The following HOXA3 variants were observed in gnomAD, a reference collection of about 807,000 sequenced individuals.
HOXA3 encodes the protein homeobox protein Hox-A3.
A neutral mutation model predicts 30.3 loss-of-function variants in HOXA3; 8 were observed. The ratio of observed to expected loss-of-function variants is 0.26; its 90% CI spans 0.15 to 0.48. The LOEUF (loss-of-function observed/expected upper bound fraction) is 0.48, where lower values mean the gene tolerates loss of function less well. HOXA3 is among the 20% of genes least tolerant of loss of function. The probability of loss-of-function intolerance (pLI) is 0.99; values close to 1 mark genes in which losing one functional copy is unlikely to be tolerated. For missense variants in HOXA3, 653 were observed against 614.4 expected (o/e 1.06, Z -0.66); for synonymous variants, 323 against 273.1 (o/e 1.18, Z -1.80).
intron 1 of HOXA3, 98 bp from the exon 2 acceptor site, chr7:27,140,284 T>C (rs1487287242): frequency 6.6e-6 from 1 of 152,162 alleles, no homozygotes. Flanking sequence ...AAACTTACTT[T>C]AATGGCCCCA....
intron 1 of HOXA3, chr7:27,145,755 C>G (rs1418557747): frequency 6.2e-7 from 1 of 1,614,256 alleles, no homozygotes; most frequent in Non-Finnish European, 8.5e-7. Flanking sequence ...GTTCTGGAAC[C>G]AGATCTTGAT....
At chr7:27,129,874 C>T in intron 2 of HOXA3, 1 of 606,586 alleles carries the variant, frequency 1.6e-6, no homozygotes, top group Non-Finnish European at 2.9e-6. Context: ...GCTATAATTA[C>T]TGCCCTAACA....
chr7:27,136,651 G>C (rs569262146), intron 2 of HOXA3, among the ~76,000 whole-genome samples: 3 of 152,312 alleles, frequency 2.0e-5, no homozygotes, highest in Admixed American at 2.0e-4. Context: ...CTGCGCGGGC[G>C]TCATTTGTTA....
Position 27,108,384 on chromosome 7 carries a change from G to A in HOXA3, c.863C>T (p.Pro288Leu), listed in dbSNP as rs1208826265. The A allele has an allele frequency of 3.8e-6, 6 of 1,590,210 alleles. No homozygotes were observed. Among genetic ancestry groups the A allele is most frequent in the Non-Finnish European group, 5.1e-6 (6 of 1,165,362 alleles). The change falls in exon 6 of 6, where the codon CCG becomes CTG. Residue 288 changes from proline to leucine, a missense_variant. Pro to Leu is a moderately conservative substitution (Grantham distance 98, BLOSUM62 -3). Around this residue, in one of 3 missense-constraint regions of HOXA3, gnomAD observed 330 missense variants for 274.4 expected, o/e 1.20. Coordinates refer to ENST00000612286, the MANE Select transcript of HOXA3 (RefSeq NM_153631.3). The surrounding 1 kb of genome is among the most constrained non-coding windows in gnomAD (Gnocchi z 5.0). ...GGGCGGGGGCGACTGGGGCTCATACGGGACGCTGTTGACCAGCGAATGCAT... is the reference window on the plus strand; with the variant it reads ...GGGCGGGGGCGACTGGGGCTCATACAGGACGCTGTTGACCAGCGAATGCAT... The part of the protein sequence containing the change: ...NSMHSLVNSV[P>L]YEPQSPPPFS...
At chr7:27,129,555 G>T (rs531770438) in intron 2 of HOXA3, 3 of 1,613,312 alleles carry the variant, frequency 1.9e-6, no homozygotes, top group African/African-American at 1.3e-5. Flanking sequence ...GCTCCCCTCC[G>T]TTATAACTGG....
At chr7:27,143,416 A>G in intron 1 of HOXA3, 2 of 1,611,926 alleles carry the variant, frequency 1.2e-6, no homozygotes, top group Non-Finnish European at 1.7e-6. Context: ...CTCCGGAGCC[A>G]AAGTGGCCGG....
At chr7:27,130,176 G>T in intron 2 of HOXA3, 2 of 1,593,518 alleles carry the variant, frequency 1.3e-6, no homozygotes, top group South Asian at 1.1e-5. Context: ...TGCCCTTCAG[G>T]CCCAGCGGGC....
At chr7:27,109,521 G>A (rs543991629) in intron 5 of HOXA3, among the ~76,000 whole-genome samples, 22 of 152,316 alleles carry the variant, frequency 1.4e-4, no homozygotes, top group African/African-American at 4.6e-4. Flanking sequence ...ACTGGAGCCC[G>A]CTTTCAGGAG....
intron 2 of HOXA3, among the ~76,000 whole-genome samples, chr7:27,131,309 C>T (rs996239187): frequency 6.6e-6 from 1 of 152,266 alleles, no homozygotes; most frequent in South Asian, 2.1e-4. Context: ...TTTATGTACG[C>T]CACTGAGAGG....
At chr7:27,145,714 G>A (rs2128061898) in intron 1 of HOXA3, 1 of 1,614,220 alleles carries the variant, frequency 6.2e-7, no homozygotes, top group Non-Finnish European at 8.5e-7. Flanking sequence ...GAATTGATGA[G>A]CTTGTTTTCC....
intron 2 of HOXA3, chr7:27,129,435 C>CGTGT: frequency 6.2e-7 from 1 of 1,614,112 alleles, no homozygotes; most frequent in Non-Finnish European, 8.5e-7. Context: ...ACAAACAGAG[C>CGTGT]GTGTGGGCGA....
intron 1 of HOXA3, among the ~76,000 whole-genome samples, chr7:27,151,967 A>G (rs1037382354): frequency 1.3e-5 from 2 of 152,018 alleles, no homozygotes; most frequent in African/African-American, 2.4e-5. Context: ...GGAAGGGGAG[A>G]GAGACGACCC....
At chr7:27,141,986 G>C in intron 1 of HOXA3, 1 of 1,614,234 alleles carries the variant, frequency 6.2e-7, no homozygotes, top group Non-Finnish European at 8.5e-7. Context: ...CCTTCTGCGG[G>C]TCAGGTAACG....
chr7:27,115,018 C>G (rs1784637430), intron 4 of HOXA3, among the ~76,000 whole-genome samples: 1 of 135,498 alleles, frequency 7.4e-6, no homozygotes, highest in Admixed American at 7.9e-5. Context: ...CTCCCAGCTT[C>G]AGAAGCAAAC....
At position 27,108,172 on chromosome 7, in the gene HOXA3, G is replaced by A; in HGVS notation, c.1075C>T (p.His359Tyr). Residue 359 changes from histidine to tyrosine, a missense_variant, in exon 6 of 6, where the codon CAC becomes TAC. This residue lies in a region of HOXA3 where 330 missense variants were observed against 274.4 expected (regional missense o/e 1.20). Transcript: ENST00000612286. The surrounding 1 kb of genome is among the most constrained non-coding windows in gnomAD (Gnocchi z 5.0). ...ACGAAGACGGGGCTTCCCTGTATGT[G>A]TGGGGTCCCATAGCTGCCGTTGCCC... ...LQGNGSYGTPHIQGSPVFVGG... is the reference protein window; with the variant it reads ...LQGNGSYGTPYIQGSPVFVGG... 3 of 1,565,776 alleles carry A rather than the reference G, an allele frequency of 1.9e-6. No homozygotes were observed. Among genetic ancestry groups the A allele is most frequent in the Non-Finnish European group, 2.6e-6 (3 of 1,153,232 alleles).
chr7:27,145,462 GTTTT>G, intron 1 of HOXA3: 1 of 659,616 alleles, frequency 1.5e-6, no homozygotes. Context: ...GTTTTGTTTT[GTTTT>G]GTTTTGTTTT....
chr7:27,108,848 G>A lies in HOXA3; in HGVS notation c.527-128C>T. 2 of 664,056 alleles carry A rather than the reference G, an allele frequency of 3.0e-6. No homozygotes were observed. The highest frequency in any genetic ancestry group is 5.1e-6 in the Non-Finnish European group (2 of 394,750). 41.1% of individuals were successfully genotyped at this position (664,056 alleles called of 1,614,324 possible). On this transcript the variant is annotated intron_variant, in intron 5 of 5. Coordinates refer to ENST00000612286, the MANE Select transcript of HOXA3 (RefSeq NM_153631.3). This position sits in a 1 kb window ranked among gnomAD's most constrained non-coding sequence, Gnocchi z 5.0. ...TGCATCCGTCAGGTCCCAGAGAGAA[G>A]TAGGAACTAGGTGCTATCCTCTCTC... is the stretch of plus-strand genomic sequence containing the variant.
intron 4 of HOXA3, among the ~76,000 whole-genome samples, chr7:27,118,510 C>T (rs544386572): frequency 6.6e-6 from 1 of 152,256 alleles, no homozygotes; most frequent in South Asian, 2.1e-4. Context: ...AGGTGGGGAA[C>T]CTTGACCAGC....
chr7:27,110,450 G>A lies in HOXA3; in HGVS notation c.191C>T (p.Ala64Val). 6.3e-7 allele frequency: 1 copy of A among 1,587,282 alleles called. No homozygotes were observed. Among genetic ancestry groups the A allele is most frequent in the Non-Finnish European group, 8.6e-7 (1 of 1,165,514 alleles). Residue 64 changes from alanine (A) to valine (V), a missense_variant, in exon 5 of 6, where the codon GCA becomes GTA. This residue lies in a region of HOXA3 where 320 missense variants were observed against 321.9 expected (regional missense o/e 0.99). Coordinates refer to ENST00000612286, the MANE Select transcript of HOXA3 (RefSeq NM_153631.3). ...CAGGCACGCCTCACTCAGTTCGTGTGCCTTGGGGTGGCCCCCGGCGCTGGA... is the reference window on the plus strand; with the variant it reads ...CAGGCACGCCTCACTCAGTTCGTGTACCTTGGGGTGGCCCCCGGCGCTGGA... ...SPSSAGGHPK[A>V]HELSEACLRT... is the part of the protein sequence containing the mutation.
Sources: gnomAD v4.1 joint callset for allele counts (sites outside exome capture counted in the v4.1 genomes callset) on GRCh38, gnomAD v4.1.1 for gene constraint, gnomAD v4.1.1 regional missense constraint, Gnocchi (gnomAD v3.1) non-coding constraint, MANE v1.5 for transcripts, NCBI Gene and HGNC (gene_info 2026-07-23, HGNC 2026-07-21) for gene names.